ARMC12: variants seen among roughly 807,000 people sequenced by gnomAD.
ARMC12 encodes armadillo repeat containing 12.
A neutral mutation model predicts 37.4 loss-of-function variants in ARMC12; 25 were observed. The observed-to-expected ratio is 0.67, with a 90% confidence interval of 0.49 to 0.93. ARMC12 has a LOEUF of 0.93. Ranked by LOEUF, ARMC12 falls within the 40% of genes least tolerant of loss-of-function variation. The pLI is 0.00. For missense variants in ARMC12, 384 were observed against 426.6 expected, an observed-to-expected ratio of 0.90 and a Z score of 0.88; for synonymous variants, 167 against 176.1, an observed-to-expected ratio of 0.95 and a Z score of 0.41.
Position 35,738,037 on chromosome 6 carries a change from C to A in ARMC12, c.174C>A (p.Val58=), listed in dbSNP as rs35769368. Reference sequence around the variant, plus strand: ...GGGGTGGCTGTCTAGGCCTGGCAGTCGAGCGAGAGCGGCACGGGCGGGACT... The same window carrying A: ...GGGGTGGCTGTCTAGGCCTGGCAGTAGAGCGAGAGCGGCACGGGCGGGACT... ...NSPICIARLA[V]ERERHGRDSG... Residue 58 remains valine, a synonymous_variant, in exon 2 of 6, where the codon GTC becomes GTA. Coordinates refer to ENST00000373866, the MANE Select transcript of ARMC12 (RefSeq NM_001286574.2). 1.2e-6 allele frequency: 2 copies of A among 1,613,332 alleles called. No individual in the cohort carries two copies. The highest frequency in any genetic ancestry group is 2.7e-5 in the African/African-American group (2 of 75,044).
At chr6:35,733,437 AAGTC>A (rs1766881743), upstream of ARMC12, among the ~76,000 whole-genome samples, 1 of 152,314 alleles carries the variant, frequency 6.6e-6, no homozygotes, top group East Asian at 1.9e-4. Flanking sequence ...CCCATGAAGT[AAGTC>A]TTATTGTTTC....
At position 35,737,085 on chromosome 6, in the gene ARMC12, T is replaced by C. The variant is rs1290651322; in HGVS notation, c.-24T>C. ...AGGTGCCTTGGGCCTAGCTCTCACCTGGGCCCAGGGCAACACTGAAGACAT... is the reference window on the plus strand; with the variant it reads ...AGGTGCCTTGGGCCTAGCTCTCACCCGGGCCCAGGGCAACACTGAAGACAT... On this transcript the variant is annotated 5_prime_UTR_variant, in exon 1 of 6. Coordinates refer to ENST00000373866, the MANE Select transcript of ARMC12 (RefSeq NM_001286574.2). 1.9e-6 allele frequency: 3 copies of C among 1,612,924 alleles called. No individual in the cohort carries two copies. In the South Asian group the frequency reaches 3.3e-5, roughly 18 times the overall value.
At chr6:35,741,371 A>G (rs927242070) in intron 3 of ARMC12, among the ~76,000 whole-genome samples, 2 of 151,664 alleles carry the variant, frequency 1.3e-5, no homozygotes, top group African/African-American at 2.4e-5. Context: ...GCCCTGCACG[A>G]GTGTTCTATT....
chr6:35,731,598 T>C, the ARMC12 span, among the ~76,000 whole-genome samples: 1 of 152,036 alleles, frequency 6.6e-6, no homozygotes, highest in South Asian at 2.1e-4. Context: ...TGGTGGCCTT[T>C]GACCGTACTC....
At chr6:35,738,283 CGGTGGGG>C in intron 2 of ARMC12, 94 bp from the exon 3 acceptor site, 3 of 572,458 alleles carry the variant, frequency 5.2e-6, no homozygotes, top group Non-Finnish European at 7.1e-6. Context: ...TGGCTGATAG[CGGTGGGG>C]GGGGGGTGTG....
In ARMC12 at chr6:35,747,381, C is replaced by A. The variant is rs149701105; in HGVS notation, c.565C>A (p.Arg189=). The change falls in exon 4 of 6, where the codon CGG becomes AGG. Residue 189 remains arginine, a synonymous_variant. Coordinates refer to ENST00000373866, the MANE Select transcript of ARMC12 (RefSeq NM_001286574.2). ...CGACTATGTGCATCCACAGCTGCGA[C>A]GGGTGATGCCTGCCTTGATGGAGAT... ...LPDYVHPQLR[R]VMPALMEILQ... is the part of the protein sequence containing the mutation. 2 of 1,614,210 alleles carry A rather than the reference C, an allele frequency of 1.2e-6. No individual in the cohort carries two copies. The highest frequency in any genetic ancestry group is 2.2e-5 in the East Asian group (1 of 44,882).
chr6:35,738,621 G>A (rs1767070537), intron 3 of ARMC12, 103 bp downstream of exon 3: 5 of 1,460,110 alleles, frequency 3.4e-6, no homozygotes, highest in Non-Finnish European at 2.8e-6. Context: ...TTGTTTGGGT[G>A]TGAATTTGTA....
intron 3 of ARMC12, among the ~76,000 whole-genome samples, chr6:35,741,393 T>TGTGATAATAA (rs1305658070): frequency 1.3e-4 from 20 of 150,480 alleles, no homozygotes; most frequent in African/African-American, 4.7e-4. Flanking sequence ...TGTCATAACC[T>TGTGATAATAA]AACGTTTGAT....
chr6:35,748,135 G>T (rs933687246), intron 5 of ARMC12, among the ~76,000 whole-genome samples: 3 of 152,144 alleles, frequency 2.0e-5, no homozygotes, highest in Admixed American at 1.3e-4. Context: ...AACCATTCTT[G>T]CAGCAACTGA....
intron 3 of ARMC12, among the ~76,000 whole-genome samples, chr6:35,739,506 T>C (rs183851684): frequency 9.0e-4 from 127 of 141,808 alleles, no homozygotes; most frequent in African/African-American, 2.9e-3. Context: ...AGGAATTCCT[T>C]CAGATCCCAA....
intron 3 of ARMC12, among the ~76,000 whole-genome samples, chr6:35,746,063 A>AACTT (rs1561924550): frequency 1.4e-5 from 2 of 148,052 alleles, no homozygotes; most frequent in African/African-American, 5.1e-5. Context: ...AAAATAAAAT[A>AACTT]AAATTAAATT....
chr6:35,748,613 G>A lies in ARMC12; in HGVS notation c.766G>A (p.Glu256Lys), dbSNP rs778619652. The A allele has an allele frequency of 6.2e-7, 1 of 1,603,454 alleles. No homozygotes were observed. Among genetic ancestry groups the A allele is most frequent in the African/African-American group, 1.3e-5 (1 of 74,878 alleles). Residue 256 changes from glutamate (E) to lysine (K), a missense_variant, in exon 6 of 6, where the codon GAG becomes AAG. Transcript: ENST00000373866. ...CCTGTATGAGGTACTGGTGTTTGCT[G>A]AGCGGCTGAGTGAGGGCCGGAACGC... Reference protein sequence around the residue: ...SLLYEVLVFAERLSEGRNAPH... With the variant: ...SLLYEVLVFAKRLSEGRNAPH...
Position 35,748,642 on chromosome 6 carries a change from C to G in ARMC12, c.795C>G (p.Pro265=). Residue 265 remains proline, a synonymous_variant, in exon 6 of 6, where the codon CCC becomes CCG. Transcript: ENST00000373866. ...AERLSEGRNA[P]HYHVVKWHYN... ...GGCTGAGTGAGGGCCGGAACGCACC[C>G]CACTACCACGTGGTGAAATGGCATT... The G allele has an allele frequency of 6.2e-7, 1 of 1,613,638 alleles. No individual in the cohort carries two copies. The highest frequency in any genetic ancestry group is 8.5e-7 in the Non-Finnish European group (1 of 1,179,694).
chr6:35,739,830 C>T (rs1250685814), intron 3 of ARMC12, among the ~76,000 whole-genome samples: 1 of 152,182 alleles, frequency 6.6e-6, no homozygotes, highest in Non-Finnish European at 1.5e-5. Flanking sequence ...CTCTTTGAAC[C>T]CCATTGGTCA....
upstream of ARMC12, chr6:35,736,877 TG>T: frequency 1.7e-6 from 1 of 603,796 alleles, no homozygotes; most frequent in Non-Finnish European, 2.8e-6. Flanking sequence ...CCCAAAGTGC[TG>T]GGATTACAAG....
the ARMC12 span, among the ~76,000 whole-genome samples, chr6:35,731,893 C>G: frequency 6.6e-6 from 1 of 152,330 alleles, no homozygotes; most frequent in South Asian, 2.1e-4. Context: ...GCCTAGGAGG[C>G]GCGCAGGCGC....
intron 3 of ARMC12, among the ~76,000 whole-genome samples, chr6:35,741,437 CAG>C (rs1295197888): frequency 6.8e-6 from 1 of 147,050 alleles, no homozygotes; most frequent in East Asian, 2.0e-4. Context: ...TTTTTTGAGA[CAG>C]AGTCTTGCTC....
At chr6:35,731,982 AAGTG>A in the ARMC12 span, among the ~76,000 whole-genome samples, 9 of 152,114 alleles carry the variant, frequency 5.9e-5, no homozygotes, top group East Asian at 1.7e-3. Context: ...AGCGAAGAGA[AAGTG>A]AGAGCGGGGG....
upstream of ARMC12, chr6:35,736,884 A>G (rs375527255): frequency 1.3e-4 from 84 of 626,168 alleles, no homozygotes; most frequent in East Asian, 1.9e-3. Context: ...TGCTGGGATT[A>G]CAAGTGTGGG....
Sources: allele counts gnomAD v4.1 joint callset (sites outside exome capture counted in the v4.1 genomes callset), GRCh38; gene constraint gnomAD v4.1.1; transcripts MANE v1.5; gene names NCBI Gene and HGNC (gene_info 2026-07-23, HGNC 2026-07-21).